ADGRB3: variants seen among roughly 807,000 people sequenced by gnomAD.
ADGRB3 encodes brain-specific angiogenesis inhibitor 3.
Under a neutral mutation model 193.4 loss-of-function variants are expected in ADGRB3, and 37 were observed. That is an observed-to-expected ratio of 0.19 (90% confidence interval 0.15 to 0.25). The LOEUF is 0.25. Ranked by LOEUF, ADGRB3 falls within the 10% of genes least tolerant of loss-of-function variation. The pLI, the probability that ADGRB3 is intolerant of heterozygous loss-of-function variation, is 1.00. For missense variants in ADGRB3, 1,637 were observed against 1,852.9 expected, an observed-to-expected ratio of 0.88 and a Z score of 2.14; for synonymous variants, 690 against 644.2, an observed-to-expected ratio of 1.07 and a Z score of -1.08.
rs1413146590 is a variant in ADGRB3 at position 69,040,374 on chromosome 6, T to TTTCTTTCTTTCTTTCC, written c.2108-7808_2108-7807insTTTCTTTCTTTCCTTC. On this transcript the variant is annotated intron_variant, in intron 13 of 31. Coordinates refer to ENST00000370598, the MANE Select transcript of ADGRB3 (RefSeq NM_001704.3). Reference sequence around the variant, plus strand: ...CTTTCTTTCTTTCTTTCTTTCTTTCTTTCCTTCTCTCTCTTTCTTTCCTTC... The same window carrying TTTCTTTCTTTCTTTCC: ...CTTTCTTTCTTTCTTTCTTTCTTTCTTTCTTTCTTTCTTTCCTTCCTTCTCTCTCTTTCTTTCCTTC... Among the ~76,000 whole-genome samples the TTTCTTTCTTTCTTTCC allele has an allele frequency of 3.9e-4, 20 of 51,476 alleles. 1 individual carries two copies. The highest frequency in any genetic ancestry group is 8.2e-3 in the Middle Eastern group (1 of 122). 33.8% of individuals were successfully genotyped at this position (51,476 alleles called of 152,430 possible).
At chr6:68,753,897 A>G (rs560255028) in intron 3 of ADGRB3, among the ~76,000 whole-genome samples, 1 of 152,304 alleles carries the variant, frequency 6.6e-6, no homozygotes, top group Admixed American at 6.5e-5. Flanking sequence ...TTTTGAAGGC[A>G]CAAAGTCATT....
intron 3 of ADGRB3, among the ~76,000 whole-genome samples, chr6:68,877,648 A>G (rs1036591763): frequency 3.9e-5 from 6 of 152,156 alleles, no homozygotes; most frequent in Non-Finnish European, 8.8e-5. Context: ...AATCTTTTCT[A>G]AAGTATTGAA....
chr6:69,125,263 A>G (rs982975449), intron 17 of ADGRB3, among the ~76,000 whole-genome samples: 4 of 152,156 alleles, frequency 2.6e-5, no homozygotes, highest in East Asian at 1.9e-4. Flanking sequence ...TCCTAAGCAC[A>G]TACAAGGAGC....
chr6:69,306,485 G>T (rs1768069038), intron 20 of ADGRB3, among the ~76,000 whole-genome samples: 1 of 151,414 alleles, frequency 6.6e-6, no homozygotes, highest in Admixed American at 6.6e-5. Flanking sequence ...AACACATAGA[G>T]AAATAAACTG....
At chr6:69,293,545 C>G (rs1767739734) in intron 20 of ADGRB3, among the ~76,000 whole-genome samples, 1 of 152,160 alleles carries the variant, frequency 6.6e-6, no homozygotes, top group Admixed American at 6.6e-5. Context: ...TTTTCAGACT[C>G]AGGTTTCAGG....
At chr6:68,760,166 T>C (rs1472396864) in intron 3 of ADGRB3, among the ~76,000 whole-genome samples, 2 of 152,194 alleles carry the variant, frequency 1.3e-5, no homozygotes, top group African/African-American at 2.4e-5. Flanking sequence ...GAAAATCACT[T>C]ATTCGTTGCA....
At chr6:68,714,203 G>C (rs759871179) in intron 3 of ADGRB3, among the ~76,000 whole-genome samples, 8 of 151,662 alleles carry the variant, frequency 5.3e-5, no homozygotes, top group Non-Finnish European at 1.0e-4. Flanking sequence ...ATCTCTGATA[G>C]CTTTTTGAAT....
At chr6:68,675,649 TG>T in intron 3 of ADGRB3, among the ~76,000 whole-genome samples, 1 of 152,044 alleles carries the variant, frequency 6.6e-6, no homozygotes, top group South Asian at 2.1e-4. Flanking sequence ...TGGATGGAAA[TG>T]AAAAAAAGAT....
chr6:68,850,918 G>C (rs1195475372), intron 3 of ADGRB3, among the ~76,000 whole-genome samples: 2 of 151,962 alleles, frequency 1.3e-5, no homozygotes, highest in African/African-American at 4.8e-5. Flanking sequence ...AAGTCTGATA[G>C]ACATTTTAAT....
At chr6:68,957,721 T>C (rs892090970) in intron 8 of ADGRB3, among the ~76,000 whole-genome samples, 17 of 152,170 alleles carry the variant, frequency 1.1e-4, no homozygotes, top group Admixed American at 9.8e-4. Flanking sequence ...TCTGCCTTTA[T>C]CTCACATGAT....
chr6:68,682,393 C>T (rs1053232578), intron 3 of ADGRB3, among the ~76,000 whole-genome samples: 19 of 152,004 alleles, frequency 1.2e-4, no homozygotes, highest in African/African-American at 4.1e-4. Context: ...AGGTTGAAAT[C>T]GAACCAAAGA....
chr6:69,350,566 T>C (rs189486875), intron 26 of ADGRB3, among the ~76,000 whole-genome samples: 1 of 152,276 alleles, frequency 6.6e-6, no homozygotes, highest in African/African-American at 2.4e-5. Flanking sequence ...GTAATTTTTT[T>C]AATGTTAATT....
At chr6:68,760,002 C>T (rs1295655675) in intron 3 of ADGRB3, among the ~76,000 whole-genome samples, 1 of 151,950 alleles carries the variant, frequency 6.6e-6, no homozygotes, top group African/African-American at 2.4e-5. Context: ...TGGTTTTATT[C>T]TGGCCAATGT....
chr6:68,889,543 C>T (rs994519257), intron 3 of ADGRB3, among the ~76,000 whole-genome samples: 2 of 151,468 alleles, frequency 1.3e-5, no homozygotes, highest in African/African-American at 2.4e-5. Flanking sequence ...CGCTCTGTCC[C>T]CCGGGCTGGA....
intron 17 of ADGRB3, among the ~76,000 whole-genome samples, chr6:69,145,533 C>T (rs539523377): frequency 2.2e-4 from 34 of 152,150 alleles, no homozygotes; most frequent in Non-Finnish European, 4.1e-4. Flanking sequence ...AAGCAAGGGG[C>T]GTGTTTCAGC....
intron 3 of ADGRB3, among the ~76,000 whole-genome samples, chr6:68,683,332 TCTG>T (rs1764928469): frequency 6.6e-6 from 1 of 152,030 alleles, no homozygotes; most frequent in Non-Finnish European, 1.5e-5. Flanking sequence ...CACCCAAACA[TCTG>T]GCAATAATTA....
At chr6:69,063,279 A>G (rs1009761800) in intron 16 of ADGRB3, among the ~76,000 whole-genome samples, 2 of 152,032 alleles carry the variant, frequency 1.3e-5, no homozygotes, top group East Asian at 1.9e-4. Flanking sequence ...TGGTTATTCT[A>G]TGCTTTTTTC....
At chr6:69,037,433 T>TA (rs1770905628) in intron 13 of ADGRB3, among the ~76,000 whole-genome samples, 1 of 152,046 alleles carries the variant, frequency 6.6e-6, no homozygotes, top group Non-Finnish European at 1.5e-5. Flanking sequence ...AAACTGAAAA[T>TA]ATTTCTGTTT....
At chr6:69,041,418 G>T (rs1287609433) in intron 13 of ADGRB3, among the ~76,000 whole-genome samples, 2 of 152,032 alleles carry the variant, frequency 1.3e-5, no homozygotes, top group African/African-American at 4.8e-5. Context: ...TGATAAGTGA[G>T]AATTTTATTT....
Sources: allele counts gnomAD v4.1 joint callset (sites outside exome capture counted in the v4.1 genomes callset), GRCh38; gene constraint gnomAD v4.1.1; transcripts MANE v1.5; gene names NCBI Gene and HGNC (gene_info 2026-07-23, HGNC 2026-07-21).